Variants in RAPGEF1 observed in about 807,000 individuals in gnomAD.
RAPGEF1 encodes the protein CRK SH3-binding GNRP.
A neutral mutation model predicts 143.3 loss-of-function variants in RAPGEF1; 33 were observed. That is an observed-to-expected ratio of 0.23 (90% CI 0.17 to 0.31). RAPGEF1 has a LOEUF of 0.31. Ranked by LOEUF, RAPGEF1 falls within the 10% of genes least tolerant of loss-of-function variation. The probability of loss-of-function intolerance (pLI) is 1.00; values close to 1 mark genes in which losing one functional copy is unlikely to be tolerated. For synonymous variants in RAPGEF1, 629 were observed against 676.5 expected, an observed-to-expected ratio of 0.93 and a Z score of 1.09; for missense variants, 1,199 against 1,645.4, an observed-to-expected ratio of 0.73 and a Z score of 4.69.
chr9:131,722,808 G>T (rs950551064), intron 1 of RAPGEF1, among the ~76,000 whole-genome samples: 16 of 152,138 alleles, frequency 1.1e-4, no homozygotes, highest in African/African-American at 3.9e-4. Context: ...TGAGGCTGCA[G>T]TGAGCCATGA....
chr9:131,646,597 G>A (rs570250023), intron 3 of RAPGEF1, among the ~76,000 whole-genome samples: 8 of 152,262 alleles, frequency 5.3e-5, no homozygotes, highest in East Asian at 1.9e-4. Flanking sequence ...CCCCACAGCC[G>A]TGCCGCAGCC....
chr9:131,582,207 G>A (rs1588149095), intron 25 of RAPGEF1, among the ~76,000 whole-genome samples: 2 of 152,044 alleles, frequency 1.3e-5, no homozygotes, highest in South Asian at 2.1e-4. Context: ...GTTCTAATGC[G>A]CAGCCACGTG....
At position 131,605,050 on chromosome 9, in the gene RAPGEF1, CG is replaced by C. The variant is rs1956891100; in HGVS notation, c.2199del (p.Val734CysfsTer133). 1 of 1,364,598 alleles carries C rather than the reference CG, an allele frequency of 7.3e-7. No individual in the cohort carries two copies. The highest frequency in any genetic ancestry group is 9.8e-7 in the Non-Finnish European group (1 of 1,021,258). 84.5% of individuals were successfully genotyped at this position (1,364,598 alleles called of 1,614,324 possible). On this transcript the variant is annotated frameshift_variant, in exon 13 of 27. Coordinates refer to ENST00000683357, the MANE Select transcript of RAPGEF1 (RefSeq NM_001377935.1). LOFTEE classifies it high-confidence loss of function. ...PAHQSQSSDL[A>X]VPTMAGPPPS... The stretch of plus-strand genomic sequence containing the variant: ...GGAGGTGGACCGGCCATGGTTGGCA[CG>C]GCTAAGTCAGAGCTCTGAGACTGGT...
At position 131,621,987 on chromosome 9, in the gene RAPGEF1, T is replaced by C. The variant is rs2132869904; in HGVS notation, c.1714A>G (p.Met572Val). 3 of 1,612,878 alleles carry C rather than the reference T, an allele frequency of 1.9e-6. No homozygotes were observed. Among genetic ancestry groups the C allele is most frequent in the Non-Finnish European group, 2.5e-6 (3 of 1,179,456 alleles). The change falls in exon 11 of 27, where the codon ATG becomes GTG. Residue 572 changes from methionine (M) to valine (V), a missense_variant. Physicochemically the swap from Met to Val is conservative, Grantham distance 21. Transcript: ENST00000683357. This position sits in a 1 kb window ranked among gnomAD's most constrained non-coding sequence, Gnocchi z 4.5. ...TCCGAGTAGTCCTCCAGCAACTGCA[T>C]GTAGGCCAGCACTGTGAAACAAGGG... Reference protein sequence around the residue: ...EKKNKHMLAYMQLLEDYSEPQ... With the variant: ...EKKNKHMLAYVQLLEDYSEPQ...
At chr9:131,716,394 C>T (rs190460138) in intron 1 of RAPGEF1, among the ~76,000 whole-genome samples, 2 of 152,332 alleles carry the variant, frequency 1.3e-5, no homozygotes, top group Admixed American at 6.5e-5. Context: ...AGGAACTAAA[C>T]GTAGCCCTCA....
chr9:131,618,152 C>CA (rs1959373312), intron 12 of RAPGEF1, among the ~76,000 whole-genome samples: 1 of 152,254 alleles, frequency 6.6e-6, no homozygotes, highest in South Asian at 2.1e-4. Context: ...TGCAATGGAA[C>CA]AGGCATCACA....
intron 1 of RAPGEF1, among the ~76,000 whole-genome samples, chr9:131,707,210 T>G (rs1835136717): frequency 6.6e-6 from 1 of 152,248 alleles, no homozygotes; most frequent in African/African-American, 2.4e-5. Context: ...CATCTTGGTC[T>G]GCTTCAGTAA....
Position 131,584,617 on chromosome 9 carries a change from A to C in RAPGEF1, c.3234-21T>G. On this transcript the variant is annotated intron_variant, in intron 22 of 26. Transcript: ENST00000683357. The surrounding 1 kb of genome is among the most constrained non-coding windows in gnomAD (Gnocchi z 6.8). ...GGACCCTGCATGGACCAAGGGAAAAAGAAACAGCTGAGTTGACAAGTCCCT... is the reference window on the plus strand; with the variant it reads ...GGACCCTGCATGGACCAAGGGAAAACGAAACAGCTGAGTTGACAAGTCCCT... The C allele has an allele frequency of 6.2e-7, 1 of 1,612,580 alleles. No individual in the cohort carries two copies. Among genetic ancestry groups the C allele is most frequent in the Non-Finnish European group, 8.5e-7 (1 of 1,178,632 alleles).
chr9:131,716,583 T>C (rs1835880188), intron 1 of RAPGEF1, among the ~76,000 whole-genome samples: 1 of 152,152 alleles, frequency 6.6e-6, no homozygotes, highest in Non-Finnish European at 1.5e-5. Context: ...CTGGGCAACA[T>C]GGCAAAACCC....
intron 1 of RAPGEF1, among the ~76,000 whole-genome samples, chr9:131,672,137 T>C (rs1460337332): frequency 6.6e-6 from 1 of 152,134 alleles, no homozygotes; most frequent in Non-Finnish European, 1.5e-5. Context: ...CTCCTGAGCC[T>C]GGAACTAAGG....
At chr9:131,692,045 G>A (rs903203599) in intron 1 of RAPGEF1, among the ~76,000 whole-genome samples, 3 of 152,180 alleles carry the variant, frequency 2.0e-5, no homozygotes, top group African/African-American at 7.2e-5. Flanking sequence ...TTCAATATGA[G>A]TCTGCTCTCA....
At chr9:131,734,120 A>T (rs1056974868) in intron 1 of RAPGEF1, among the ~76,000 whole-genome samples, 3 of 152,138 alleles carry the variant, frequency 2.0e-5, no homozygotes, top group African/African-American at 7.2e-5. Context: ...TTCAAAGATC[A>T]GAAAAGAGAT....
Position 131,628,443 on chromosome 9 carries a change from AC to A in RAPGEF1, c.1017+105del. 6.9e-7 allele frequency: 1 copy of A among 1,446,668 alleles called. No homozygotes were observed. Among genetic ancestry groups the A allele is most frequent in the Non-Finnish European group, 9.4e-7 (1 of 1,069,176 alleles). The allele number at this position is 1,446,668 out of a possible 1,614,324, so 89.6% of individuals were successfully genotyped here. On this transcript the variant is annotated intron_variant, in intron 8 of 26. Transcript: ENST00000683357. The surrounding 1 kb of genome is among the most constrained non-coding windows in gnomAD (Gnocchi z 5.7). ...GGTCTCGCACTCCTCGATGTGACAAACACCAGCGCCTGAAGACCATGGGTTT... is the reference window on the plus strand; with the variant it reads ...GGTCTCGCACTCCTCGATGTGACAAAACCAGCGCCTGAAGACCATGGGTTT...
At chr9:131,737,889 CA>C (rs1564220521) in intron 1 of RAPGEF1, among the ~76,000 whole-genome samples, 41 of 151,170 alleles carry the variant, frequency 2.7e-4, no homozygotes, top group African/African-American at 9.7e-4. Context: ...GGCGTGAACC[CA>C]GGAGGAGGCG....
In RAPGEF1 at chr9:131,628,539, G is replaced by A. The variant is rs1963956744; in HGVS notation, c.1017+10C>T. On this transcript the variant is annotated intron_variant, in intron 8 of 26. Coordinates refer to ENST00000683357, the MANE Select transcript of RAPGEF1 (RefSeq NM_001377935.1). The surrounding 1 kb of genome is among the most constrained non-coding windows in gnomAD (Gnocchi z 5.7). ...CTGCCTTCCCATGCAGGGAACAGGG[G>A]CTGCATTACCTGCCTATTGATTCCA... is the stretch of plus-strand genomic sequence containing the variant. 2 of 1,611,996 alleles carry A rather than the reference G, an allele frequency of 1.2e-6. No homozygotes were observed. The highest frequency in any genetic ancestry group is 1.3e-5 in the African/African-American group (1 of 75,028).
rs1021757079 is a variant in RAPGEF1, at chr9:131,579,073, A to G, written c.*424T>C. The G allele has an allele frequency of 5.9e-6, 1 of 169,906 alleles. No individual in the cohort carries two copies. The highest frequency in any genetic ancestry group is 1.3e-5 in the Non-Finnish European group (1 of 78,362). 10.5% of individuals were successfully genotyped at this position (169,906 alleles called of 1,614,324 possible). A position where few individuals can be genotyped will look rare whatever the true frequency, so the allele number is the denominator to read the frequency against. On this transcript the variant is annotated 3_prime_UTR_variant, in exon 27 of 27. Coordinates refer to ENST00000683357, the MANE Select transcript of RAPGEF1 (RefSeq NM_001377935.1). ...AGGCCACCCCAGGAGGCCTCCACTC[A>G]TTTGAGATTTCAGAAGATTCAGGGA...
chr9:131,645,779 G>A (rs1295717764), intron 3 of RAPGEF1, among the ~76,000 whole-genome samples: 1 of 152,232 alleles, frequency 6.6e-6, no homozygotes, highest in African/African-American at 2.4e-5. Context: ...CCTGCTGTGG[G>A]GGATGGATTG....
intron 1 of RAPGEF1, among the ~76,000 whole-genome samples, chr9:131,673,446 T>C (rs1831724004): frequency 6.6e-6 from 1 of 152,254 alleles, no homozygotes; most frequent in Non-Finnish European, 1.5e-5. Context: ...AGATGAACTG[T>C]GTCCTCAGTG....
chr9:131,610,084 T>A (rs1336057862), intron 12 of RAPGEF1, among the ~76,000 whole-genome samples: 1 of 152,144 alleles, frequency 6.6e-6, no homozygotes, highest in Non-Finnish European at 1.5e-5. Flanking sequence ...TTTGTAGAGA[T>A]AGCGTTTTGC....
Sources: allele counts gnomAD v4.1 joint callset (sites outside exome capture counted in the v4.1 genomes callset), GRCh38; gene constraint gnomAD v4.1.1; non-coding constraint Gnocchi (gnomAD v3.1); transcripts MANE v1.5; gene names NCBI Gene and HGNC (gene_info 2026-07-23, HGNC 2026-07-21).